Variants in CSMD1 observed in about 807,000 individuals in gnomAD.
The protein encoded by CSMD1 is CUB and Sushi multiple domains 1, also known as CUB and sushi domain-containing protein 1.
CSMD1 carries 213 observed loss-of-function variants against 417.5 expected under a neutral mutation model. The ratio of observed to expected loss-of-function variants is 0.51; its 90% CI spans 0.46 to 0.57. CSMD1 has a LOEUF of 0.57. CSMD1 is among the 20% of genes least tolerant of loss of function. The pLI is 0.00. For synonymous variants in CSMD1, 2,862 were observed against 1,736.8 expected, an observed-to-expected ratio of 1.65 and a Z score of -16.11; for missense variants, 6,923 against 4,529.7, an observed-to-expected ratio of 1.53 and a Z score of -15.17.
chr8:3,610,388 T>C (rs1801831763), intron 8 of CSMD1, among the ~76,000 whole-genome samples: 1 of 152,038 alleles, frequency 6.6e-6, no homozygotes, highest in African/African-American at 2.4e-5. Flanking sequence ...TTTAACAAAT[T>C]AATTGAGTCA....
chr8:4,077,379 G>C (rs1799888778), intron 3 of CSMD1, among the ~76,000 whole-genome samples: 2 of 144,704 alleles, frequency 1.4e-5, no homozygotes, highest in African/African-American at 2.6e-5. Context: ...TCTTTTAATG[G>C]TTCCTCAGTC....
chr8:4,503,889 T>G (rs1431034495), intron 2 of CSMD1, among the ~76,000 whole-genome samples: 2 of 150,814 alleles, frequency 1.3e-5, no homozygotes, highest in African/African-American at 4.9e-5. Flanking sequence ...GATTTTCCTC[T>G]CCTACCTGAT....
At chr8:3,504,258 A>T (rs959725809) in intron 10 of CSMD1, among the ~76,000 whole-genome samples, 15 of 151,844 alleles carry the variant, frequency 9.9e-5, no homozygotes, top group Non-Finnish European at 1.6e-4. Flanking sequence ...TTAAAAAAAC[A>T]TTTTTTTTAA....
At chr8:4,042,050 G>C (rs1055768162) in intron 3 of CSMD1, among the ~76,000 whole-genome samples, 1 of 152,044 alleles carries the variant, frequency 6.6e-6, no homozygotes, top group Non-Finnish European at 1.5e-5. Flanking sequence ...TCTCCAAGCA[G>C]ACACAAGTAT....
At chr8:4,151,015 T>C (rs1796545938) in intron 3 of CSMD1, among the ~76,000 whole-genome samples, 1 of 152,094 alleles carries the variant, frequency 6.6e-6, no homozygotes, top group African/African-American at 2.4e-5. Context: ...GCAAGAGAAA[T>C]TGTGTCCCAT....
intron 3 of CSMD1, among the ~76,000 whole-genome samples, chr8:4,400,057 A>T (rs1384977677): frequency 3.9e-5 from 6 of 152,216 alleles, no homozygotes; most frequent in Admixed American, 3.3e-4. Flanking sequence ...ACTTATGGAC[A>T]GTATCAGCAT....
In CSMD1 at chr8:3,176,269, A is replaced by T. The variant is rs113438567; in HGVS notation, c.5725+4841T>A. Among the ~76,000 whole-genome samples the T allele has an allele frequency of 4.9e-3, 753 of 152,296 alleles. 13 individuals are homozygous for T. The highest frequency in any genetic ancestry group is 0.017 in the African/African-American group (709 of 41,560). ...AAGCAATTCTTAATTAGAGGGAACC[A>T]TTCTGCTAATAATTAATCTTTAATG... is the stretch of plus-strand genomic sequence containing the variant. On this transcript the variant is annotated intron_variant, in intron 37 of 69. Coordinates refer to ENST00000635120, the MANE Select transcript of CSMD1 (RefSeq NM_033225.6).
chr8:4,689,016 T>C (rs1188716696), intron 1 of CSMD1, among the ~76,000 whole-genome samples: 1 of 152,254 alleles, frequency 6.6e-6, no homozygotes. Flanking sequence ...AATTGTCTGT[T>C]CATATGAATA....
intron 1 of CSMD1, among the ~76,000 whole-genome samples, chr8:4,959,965 A>C (rs1413872383): frequency 1.3e-5 from 2 of 152,182 alleles, no homozygotes; most frequent in Non-Finnish European, 2.9e-5. Context: ...AAAATAGGAA[A>C]ATGTATTTTG....
intron 3 of CSMD1, among the ~76,000 whole-genome samples, chr8:4,204,092 C>G (rs55841617): frequency 0.042 from 6,431 of 152,204 alleles, 196 homozygotes; most frequent in Non-Finnish European, 0.065. Flanking sequence ...CAGAACAAGA[C>G]TCTGTCTCAA....
chr8:3,709,396 T>C (rs1184080223), intron 6 of CSMD1, among the ~76,000 whole-genome samples: 1 of 152,134 alleles, frequency 6.6e-6, no homozygotes, highest in Non-Finnish European at 1.5e-5. Flanking sequence ...CCTCTGAGCC[T>C]GTGACTCTAT....
At chr8:4,719,147 G>A (rs1005689157) in intron 1 of CSMD1, among the ~76,000 whole-genome samples, 1 of 152,120 alleles carries the variant, frequency 6.6e-6, no homozygotes, top group African/African-American at 2.4e-5. Flanking sequence ...GACAATGATG[G>A]CCTGGAGAAA....
chr8:3,539,934 TTC>T (rs1798368491), intron 10 of CSMD1, among the ~76,000 whole-genome samples: 1 of 152,210 alleles, frequency 6.6e-6, no homozygotes, highest in Non-Finnish European at 1.5e-5. Flanking sequence ...AGACCATAAC[TTC>T]TCTGTTTCCC....
Position 2,961,131 on chromosome 8 carries a change from A to G in CSMD1, c.9702+10T>C. ...CAGAAAGAAAACATAGTAAATTCAT[A>G]ATGAACTACCTCATAGCCTCTGGAG... On this transcript the variant is annotated intron_variant, in intron 62 of 69. Transcript: ENST00000635120. 2 of 1,518,982 alleles carry G rather than the reference A, an allele frequency of 1.3e-6. No homozygotes were observed. The highest frequency in any genetic ancestry group is 1.4e-5 in the African/African-American group (1 of 73,140). 94.1% of individuals were successfully genotyped at this position (1,518,982 alleles called of 1,614,324 possible).
chr8:4,186,551 T>C (rs1584982606), intron 3 of CSMD1, among the ~76,000 whole-genome samples: 1 of 152,172 alleles, frequency 6.6e-6, no homozygotes, highest in African/African-American at 2.4e-5. Context: ...TATACGAATA[T>C]AAAAGACGAA....
chr8:2,965,310 CA>C (rs1471648330), intron 59 of CSMD1, among the ~76,000 whole-genome samples: 12 of 152,184 alleles, frequency 7.9e-5, no homozygotes, highest in Admixed American at 6.5e-5. Flanking sequence ...TCAGTCTCGG[CA>C]ACCAAACCCC....
chr8:4,124,018 A>C (rs1184700200), intron 3 of CSMD1, among the ~76,000 whole-genome samples: 1 of 152,144 alleles, frequency 6.6e-6, no homozygotes, highest in African/African-American at 2.4e-5. Context: ...GGATTATCTA[A>C]CTTTTTTTTT....
At chr8:3,933,371 T>C (rs1038943640) in intron 5 of CSMD1, among the ~76,000 whole-genome samples, 1 of 152,232 alleles carries the variant, frequency 6.6e-6, no homozygotes, top group Non-Finnish European at 1.5e-5. Context: ...CATTTCAGTT[T>C]AGTACTAACT....
At chr8:3,696,912 A>G (rs999302994) in intron 7 of CSMD1, among the ~76,000 whole-genome samples, 2 of 152,110 alleles carry the variant, frequency 1.3e-5, no homozygotes, top group African/African-American at 2.4e-5. Flanking sequence ...GAAAGAGAAC[A>G]CTTTATCAGT....
Sources: allele counts gnomAD v4.1 joint callset (sites outside exome capture counted in the v4.1 genomes callset), GRCh38; gene constraint gnomAD v4.1.1; transcripts MANE v1.5; gene names NCBI Gene and HGNC (gene_info 2026-07-23, HGNC 2026-07-21).